The following ACTN4 variants were observed in gnomAD, a reference collection of about 807,000 sequenced individuals.
ACTN4 encodes actinin alpha 4, also known as alpha-actinin-4.
In ACTN4, 18 loss-of-function variants were observed where a neutral mutation model predicts 114.2. That is an observed-to-expected ratio of 0.16 (90% CI 0.11 to 0.23). The LOEUF (loss-of-function observed/expected upper bound fraction) is 0.23. Ranked by LOEUF, ACTN4 falls within the 10% of genes least tolerant of loss-of-function variation. The pLI, the probability that ACTN4 is intolerant of heterozygous loss-of-function variation, is 1.00. For missense variants in ACTN4, 722 were observed against 1,262.9 expected, an observed-to-expected ratio of 0.57 and a Z score of 6.49; for synonymous variants, 515 against 506.3, an observed-to-expected ratio of 1.02 and a Z score of -0.23.
At position 38,673,784 on chromosome 19, in the gene ACTN4, ATTT is replaced by A. The variant is rs58144950; in HGVS notation, c.162+25895_162+25897del. Among the ~76,000 whole-genome samples the A allele has an allele frequency of 3.4e-3, 228 of 67,840 alleles. 18 individuals carry two copies. Among genetic ancestry groups the A allele is most frequent in the South Asian group, 5.2e-3 (13 of 2,496 alleles). 44.5% of individuals were successfully genotyped at this position (67,840 alleles called of 152,430 possible). On this transcript the variant is annotated intron_variant, in intron 1 of 20. Coordinates refer to ENST00000252699, the MANE Select transcript of ACTN4 (RefSeq NM_004924.6). ...ATATATATATATTTATATATGTATA[ATTT>A]TTTTTTTTTTTTTTTTTGTGATGGA...
At chr19:38,676,569 G>A (rs1967382562) in intron 1 of ACTN4, among the ~76,000 whole-genome samples, 1 of 152,200 alleles carries the variant, frequency 6.6e-6, no homozygotes, top group Non-Finnish European at 1.5e-5. Context: ...AACACCACAT[G>A]TGTCCTTCCC....
At chr19:38,673,690 A>ATTATATATATTTATATATTTATATAT (rs1967267256) in intron 1 of ACTN4, among the ~76,000 whole-genome samples, 2 of 68,540 alleles carry the variant, frequency 2.9e-5, no homozygotes, top group East Asian at 3.1e-4. Flanking sequence ...ATTTATATAT[A>ATTATATATATTTATATATTTATATAT]TTATATATAT....
At chr19:38,696,694 C>T (rs1968105129) in intron 1 of ACTN4, among the ~76,000 whole-genome samples, 1 of 152,148 alleles carries the variant, frequency 6.6e-6, no homozygotes, top group Non-Finnish European at 1.5e-5. Flanking sequence ...TCAATAGATG[C>T]CCCTCATCTT....
chr19:38,713,576 A>C (rs1968737096), intron 8 of ACTN4, among the ~76,000 whole-genome samples: 1 of 151,986 alleles, frequency 6.6e-6, no homozygotes, highest in East Asian at 1.9e-4. Context: ...CGCTCACACG[A>C]GCACCGGCTG....
At chr19:38,680,021 C>T (rs990145482) in intron 1 of ACTN4, among the ~76,000 whole-genome samples, 2 of 152,044 alleles carry the variant, frequency 1.3e-5, no homozygotes, top group African/African-American at 4.8e-5. Context: ...ACCCCCTCCC[C>T]TCAGCCTTAA....
chr19:38,710,254 C>T lies in ACTN4; in HGVS notation c.734-3C>T. The stretch of plus-strand genomic sequence containing the variant: ...CAGTTTAACCCTTGTTGTTCACTTG[C>T]AGACATCGTGAACACGGCCCGGCCC... On this transcript the variant is annotated splice_polypyrimidine_tract_variant and splice_region_variant and intron_variant, in intron 7 of 20. Coordinates refer to ENST00000252699, the MANE Select transcript of ACTN4 (RefSeq NM_004924.6). 1.9e-6 allele frequency: 3 copies of T among 1,614,094 alleles called. No homozygotes were observed. The highest frequency in any genetic ancestry group is 1.7e-6 in the Non-Finnish European group (2 of 1,180,010).
intron 1 of ACTN4, 122 bp from the exon 2 acceptor site, chr19:38,700,478 C>T (rs1024475258): frequency 5.2e-5 from 41 of 787,974 alleles, no homozygotes; most frequent in African/African-American, 4.2e-4. Context: ...CGGTGTGTGT[C>T]GGCGAGTGCT....
Position 38,729,801 on chromosome 19 carries a change from C to CCT in ACTN4, c.*371_*372dup. On this transcript the variant is annotated 3_prime_UTR_variant, in exon 21 of 21. Coordinates refer to ENST00000252699, the MANE Select transcript of ACTN4 (RefSeq NM_004924.6). ...CCTTTGCTCTGAGGTCCCTTCAAGG[C>CCT]CTCCCCAATCCAGGCCAAAGCCCCA... The CCT allele has an allele frequency of 4.6e-6, 2 of 436,448 alleles. No homozygotes were observed. The highest frequency in any genetic ancestry group is 1.2e-4 in the East Asian group (2 of 16,300). The allele number at this position is 436,448 out of a possible 1,614,324, so 27.0% of individuals were successfully genotyped here. A position where few individuals can be genotyped will look rare whatever the true frequency, so the allele number is the denominator to read the frequency against.
chr19:38,707,909 T>C (rs999094672), intron 5 of ACTN4, among the ~76,000 whole-genome samples: 1 of 152,204 alleles, frequency 6.6e-6, no homozygotes, highest in African/African-American at 2.4e-5. Flanking sequence ...ACACTGTCAG[T>C]AGGCAGAAGA....
Position 38,729,769 on chromosome 19 carries a change from GTC to G in ACTN4, c.*341_*342del. 1 of 515,120 alleles carries G rather than the reference GTC, an allele frequency of 1.9e-6. No homozygotes were observed. Among genetic ancestry groups the G allele is most frequent in the South Asian group, 1.6e-5 (1 of 63,246 alleles). The allele number at this position is 515,120 out of a possible 1,614,324, so 31.9% of individuals were successfully genotyped here. On this transcript the variant is annotated 3_prime_UTR_variant, in exon 21 of 21. Coordinates refer to ENST00000252699, the MANE Select transcript of ACTN4 (RefSeq NM_004924.6). The stretch of plus-strand genomic sequence containing the variant: ...CCCTGGGATGCCTCACCACACCCAG[GTC>G]TCTTCCTTTGCTCTGAGGTCCCTTC...
Position 38,706,144 on chromosome 19 carries a change from C to T in ACTN4, c.572+13C>T, listed in dbSNP as rs1241468964. ...ACTTCCACATCAGGTAAGCGCCAGT[C>T]CTGGTCATCCTCTCCTTTCCTCTAG... On this transcript the variant is annotated intron_variant, in intron 5 of 20. Coordinates refer to ENST00000252699, the MANE Select transcript of ACTN4 (RefSeq NM_004924.6). 1.9e-6 allele frequency: 3 copies of T among 1,610,682 alleles called. No homozygotes were observed. The highest frequency in any genetic ancestry group is 1.3e-5 in the African/African-American group (1 of 74,868).
intron 1 of ACTN4, among the ~76,000 whole-genome samples, chr19:38,697,587 C>T (rs1248315843): frequency 1.3e-5 from 2 of 152,224 alleles, no homozygotes; most frequent in African/African-American, 4.8e-5. Flanking sequence ...CAAACCCAAA[C>T]CCAGGTCTGT....
intron 1 of ACTN4, among the ~76,000 whole-genome samples, chr19:38,689,252 G>A (rs1412328907): frequency 2.6e-5 from 4 of 152,212 alleles, no homozygotes; most frequent in Non-Finnish European, 5.9e-5. Context: ...AGACAGGAAC[G>A]AAGTACTGGT....
chr19:38,728,366 C>T (rs1969320871), intron 19 of ACTN4: 1 of 1,422,842 alleles, frequency 7.0e-7, no homozygotes, highest in South Asian at 1.2e-5. Flanking sequence ...TGCTTATCTC[C>T]ACAGGATACA....
intron 4 of ACTN4, among the ~76,000 whole-genome samples, chr19:38,705,743 G>C (rs1207964851): frequency 6.6e-6 from 1 of 152,210 alleles, no homozygotes; most frequent in Non-Finnish European, 1.5e-5. Context: ...CAGGCACATG[G>C]CACAGATTCA....
chr19:38,718,264 C>G, intron 11 of ACTN4, 190 bp downstream of exon 11: 1 of 996,444 alleles, frequency 1.0e-6, no homozygotes, highest in Non-Finnish European at 1.5e-6. Flanking sequence ...CAGTGGCTCA[C>G]ACCTGTAATC....
chr19:38,668,991 C>G (rs1568685221), intron 1 of ACTN4, among the ~76,000 whole-genome samples: 1 of 151,928 alleles, frequency 6.6e-6, no homozygotes, highest in South Asian at 2.1e-4. Context: ...TGGGATCCAG[C>G]TTTTTTTCTT....
At chr19:38,685,761 AC>A (rs2049280694) in intron 1 of ACTN4, among the ~76,000 whole-genome samples, 1 of 151,764 alleles carries the variant, frequency 6.6e-6, no homozygotes, top group Non-Finnish European at 1.5e-5. Context: ...ACCCTGAGAC[AC>A]CCCTCTCTGC....
intron 3 of ACTN4, among the ~76,000 whole-genome samples, chr19:38,702,433 C>T (rs1465520461): frequency 1.3e-5 from 2 of 152,092 alleles, no homozygotes; most frequent in Non-Finnish European, 1.5e-5. Flanking sequence ...TGAGAGGGGC[C>T]GGAGGCACAG....
Sources: gnomAD v4.1 joint callset for allele counts (sites outside exome capture counted in the v4.1 genomes callset) on GRCh38, gnomAD v4.1.1 for gene constraint, MANE v1.5 for transcripts, NCBI Gene and HGNC (gene_info 2026-07-23, HGNC 2026-07-21) for gene names.